DIP2C: variants seen among roughly 807,000 people sequenced by gnomAD.
DIP2C encodes the protein DIP2 acetate--CoA ligase C (putative), also known as disco-interacting protein 2 homolog C.
Under a neutral mutation model 192.4 loss-of-function variants are expected in DIP2C, and 33 were observed. That is an observed-to-expected ratio of 0.17 (90% CI 0.13 to 0.23). DIP2C has a LOEUF of 0.23. DIP2C is among the 10% of genes least tolerant of loss of function. DIP2C has a pLI of 1.00. For missense variants in DIP2C, 1,537 were observed against 2,110.1 expected, an observed-to-expected ratio of 0.73 and a Z score of 5.32; for synonymous variants, 979 against 864.1, an observed-to-expected ratio of 1.13 and a Z score of -2.33.
chr10:579,357 T>C (rs1850416146), intron 1 of DIP2C, among the ~76,000 whole-genome samples: 1 of 151,850 alleles, frequency 6.6e-6, no homozygotes, highest in Non-Finnish European at 1.5e-5. Flanking sequence ...CACCCAAATG[T>C]AGTGTACAAA....
intron 17 of DIP2C, among the ~76,000 whole-genome samples, chr10:377,525 A>C (rs1176049602): frequency 6.6e-6 from 1 of 152,210 alleles, no homozygotes; most frequent in African/African-American, 2.4e-5. Context: ...GAGAATTGCA[A>C]AATTTTATCC....
intron 1 of DIP2C, among the ~76,000 whole-genome samples, chr10:557,609 A>C (rs1437806384): frequency 7.4e-6 from 1 of 135,352 alleles, no homozygotes; most frequent in Non-Finnish European, 1.6e-5. Flanking sequence ...GAAAAACAAC[A>C]ATCTGTAAAA....
Position 414,091 on chromosome 10 carries a change from G to C in DIP2C, c.879C>G (p.Asn293Lys). The C allele has an allele frequency of 6.2e-7, 1 of 1,612,798 alleles. No individual in the cohort carries two copies. The highest frequency in any genetic ancestry group is 1.1e-5 in the South Asian group (1 of 90,988). ...TCTGGGCCCCCTCCGGCTTTGGTTG[G>C]TTCGGATCCGGTTGTTGAACTAAAT... The part of the protein sequence containing the change: ...ELLEVQQPDP[N>K]QPKPEGAQML... Residue 293 changes from asparagine to lysine, a missense_variant, in exon 8 of 37, where the codon AAC (asparagine) becomes AAG (lysine). Coordinates refer to ENST00000280886, the MANE Select transcript of DIP2C (RefSeq NM_014974.3).
chr10:624,497 G>C (rs1218639876), intron 1 of DIP2C, among the ~76,000 whole-genome samples: 1 of 152,206 alleles, frequency 6.6e-6, no homozygotes, highest in Non-Finnish European at 1.5e-5. Flanking sequence ...CCAGAACACG[G>C]CTCTTTAAGT....
At chr10:581,056 G>A (rs916754616) in intron 1 of DIP2C, among the ~76,000 whole-genome samples, 16 of 152,154 alleles carry the variant, frequency 1.1e-4, no homozygotes, top group Non-Finnish European at 1.6e-4. Flanking sequence ...AATGTCCCAG[G>A]GTGAGGGCAA....
intron 1 of DIP2C, among the ~76,000 whole-genome samples, chr10:506,679 T>TC (rs939762212): frequency 1.3e-5 from 2 of 151,978 alleles, no homozygotes; most frequent in African/African-American, 4.8e-5. Flanking sequence ...CTGCCTCCTA[T>TC]CCCCCAACAC....
At chr10:684,202 A>C (rs1039426342) in intron 1 of DIP2C, among the ~76,000 whole-genome samples, 1 of 152,288 alleles carries the variant, frequency 6.6e-6, no homozygotes, top group Non-Finnish European at 1.5e-5. Context: ...AAGCCCACAC[A>C]TATCAGTGCT....
At chr10:438,893 C>T (rs1007947131) in intron 4 of DIP2C, among the ~76,000 whole-genome samples, 3 of 152,068 alleles carry the variant, frequency 2.0e-5, no homozygotes, top group Non-Finnish European at 4.4e-5. Context: ...GCCATCTCAG[C>T]TCACGGCAAC....
At chr10:556,710 A>C (rs1323651508) in intron 1 of DIP2C, among the ~76,000 whole-genome samples, 1 of 152,062 alleles carries the variant, frequency 6.6e-6, no homozygotes, top group Non-Finnish European at 1.5e-5. Context: ...GCTGGAATCA[A>C]CAGCCCCAGA....
intron 2 of DIP2C, among the ~76,000 whole-genome samples, chr10:483,076 C>G (rs1003129453): frequency 2.6e-5 from 4 of 152,224 alleles, no homozygotes; most frequent in South Asian, 2.1e-4. Flanking sequence ...CTGGAGGCCC[C>G]GACAGACGCT....
chr10:335,313 G>T (rs1006658107), intron 29 of DIP2C, among the ~76,000 whole-genome samples: 1 of 152,184 alleles, frequency 6.6e-6, no homozygotes, highest in Admixed American at 6.5e-5. Context: ...TCACTGACCT[G>T]ATGCGTAATC....
chr10:572,642 C>T (rs1255096079), intron 1 of DIP2C, among the ~76,000 whole-genome samples: 1 of 152,196 alleles, frequency 6.6e-6, no homozygotes, highest in East Asian at 1.9e-4. Context: ...ATTCTGCTCT[C>T]CAGTGACTGT....
chr10:386,144 A>C (rs754206877), intron 14 of DIP2C, among the ~76,000 whole-genome samples: 6 of 152,176 alleles, frequency 3.9e-5, no homozygotes, highest in Non-Finnish European at 7.3e-5. Flanking sequence ...TGGGTGTTCT[A>C]ATGACGAGAG....
chr10:474,591 AT>A (rs1970911855), intron 2 of DIP2C, among the ~76,000 whole-genome samples: 1 of 151,874 alleles, frequency 6.6e-6, no homozygotes, highest in Non-Finnish European at 1.5e-5. Flanking sequence ...ACTTGTTCTC[AT>A]GCTCTTCAAT....
chr10:399,683 G>C (rs186756546), intron 9 of DIP2C, among the ~76,000 whole-genome samples: 10 of 152,340 alleles, frequency 6.6e-5, no homozygotes, highest in Admixed American at 3.3e-4. Context: ...TCTGAAAAGT[G>C]AGAATAATGA....
intron 2 of DIP2C, among the ~76,000 whole-genome samples, chr10:476,672 T>C (rs2133470083): frequency 6.6e-6 from 1 of 152,118 alleles, no homozygotes; most frequent in East Asian, 1.9e-4. Context: ...CTCCACACCC[T>C]CTCCTGAGAG....
chr10:640,800 G>A (rs1426950976), intron 1 of DIP2C, among the ~76,000 whole-genome samples: 1 of 151,566 alleles, frequency 6.6e-6, no homozygotes, highest in African/African-American at 2.4e-5. Flanking sequence ...CGCAGGCTCC[G>A]AGAACCTGGG....
At chr10:406,151 AAG>A (rs1168079177) in intron 9 of DIP2C, among the ~76,000 whole-genome samples, 1 of 152,264 alleles carries the variant, frequency 6.6e-6, no homozygotes, top group Non-Finnish European at 1.5e-5. Context: ...CATACTATGA[AAG>A]AATTTTTAAA....
At chr10:357,451 GGACT>G (rs1959136051) in intron 23 of DIP2C, among the ~76,000 whole-genome samples, 2 of 152,240 alleles carry the variant, frequency 1.3e-5, no homozygotes, top group Non-Finnish European at 2.9e-5. Flanking sequence ...CGCGGGACAA[GGACT>G]GCCAGACATT....
Sources: gnomAD v4.1 joint callset for allele counts (sites outside exome capture counted in the v4.1 genomes callset) on GRCh38, gnomAD v4.1.1 for gene constraint, MANE v1.5 for transcripts, NCBI Gene and HGNC (gene_info 2026-07-23, HGNC 2026-07-21) for gene names.